The following NRXN1 variants were observed in gnomAD, a reference collection of about 807,000 sequenced individuals.
The protein encoded by NRXN1 is neurexin 1.
NRXN1 carries 39 observed loss-of-function variants against 150.9 expected under a neutral mutation model. That is an observed-to-expected ratio of 0.26 (90% confidence interval 0.20 to 0.34). The LOEUF (loss-of-function observed/expected upper bound fraction) is 0.34. Ranked by LOEUF, NRXN1 falls within the 10% of genes least tolerant of loss-of-function variation. The pLI, the probability that NRXN1 is intolerant of heterozygous loss-of-function variation, is 1.00. For synonymous variants in NRXN1, 924 were observed against 757.0 expected, an observed-to-expected ratio of 1.22 and a Z score of -3.62; for missense variants, 1,815 against 1,949.9, an observed-to-expected ratio of 0.93 and a Z score of 1.30.
chr2:50,184,188 C>T (rs567206480), intron 18 of NRXN1, among the ~76,000 whole-genome samples: 1 of 152,002 alleles, frequency 6.6e-6, no homozygotes, highest in Admixed American at 6.6e-5. Flanking sequence ...CTACCTTTTA[C>T]CCCATTATTT....
chr2:50,709,133 G>A (rs1029507197), intron 5 of NRXN1, among the ~76,000 whole-genome samples: 22 of 152,112 alleles, frequency 1.4e-4, no homozygotes, highest in African/African-American at 3.4e-4. Flanking sequence ...GCATCAGCTC[G>A]TACCACAGGC....
chr2:50,758,715 T>C (rs956345016), intron 5 of NRXN1, among the ~76,000 whole-genome samples: 88 of 152,014 alleles, frequency 5.8e-4, no homozygotes, highest in African/African-American at 1.8e-3. Flanking sequence ...TGGTCTCTTT[T>C]CCTTTGGTCC....
At chr2:50,847,110 G>T (rs1673770697) in intron 5 of NRXN1, among the ~76,000 whole-genome samples, 1 of 152,110 alleles carries the variant, frequency 6.6e-6, no homozygotes. Flanking sequence ...TGACATGAGG[G>T]TCTTGTGACA....
intron 17 of NRXN1, among the ~76,000 whole-genome samples, chr2:50,381,571 AC>A (rs2080973329): frequency 1.5e-4 from 19 of 129,486 alleles, no homozygotes; most frequent in Middle Eastern, 4.3e-3. Flanking sequence ...ACACACACAC[AC>A]AATCTGCTTT....
chr2:50,437,748 G>T (rs1270111058), intron 17 of NRXN1, among the ~76,000 whole-genome samples: 1 of 151,910 alleles, frequency 6.6e-6, no homozygotes, highest in African/African-American at 2.4e-5. Flanking sequence ...AAAAAGGGAA[G>T]ATTTTCTAAA....
chr2:50,758,665 AT>A (rs1162346650), intron 5 of NRXN1, among the ~76,000 whole-genome samples: 1 of 151,918 alleles, frequency 6.6e-6, no homozygotes, highest in Non-Finnish European at 1.5e-5. Flanking sequence ...CCAGAAATGA[AT>A]TCGACTGGTG....
chr2:50,738,057 T>A (rs1303832520), intron 5 of NRXN1, among the ~76,000 whole-genome samples: 2 of 152,206 alleles, frequency 1.3e-5, no homozygotes, highest in Non-Finnish European at 2.9e-5. Flanking sequence ...GAACCCTGTC[T>A]GCAGATAGCA....
intron 15 of NRXN1, among the ~76,000 whole-genome samples, chr2:50,487,401 C>T (rs2090950416): frequency 1.3e-5 from 2 of 152,054 alleles, no homozygotes; most frequent in South Asian, 2.1e-4. Flanking sequence ...CACAGAAAAC[C>T]ACATTCATGT....
chr2:50,517,027 T>C lies in NRXN1; in HGVS notation c.2375-10410A>G, dbSNP rs190746733. Among the ~76,000 whole-genome samples the C allele has an allele frequency of 2.4e-3, 365 of 152,276 alleles. 2 individuals are homozygous for C. Among genetic ancestry groups the C allele is most frequent in the Non-Finnish European group, 4.1e-3 (278 of 68,024 alleles). The stretch of plus-strand genomic sequence containing the variant: ...TTTTGACCCACACAGACTGTTGAGT[T>C]TTATCCTGGTTCTACAAGTTATTAG... On this transcript the variant is annotated intron_variant, in intron 12 of 22. Coordinates refer to ENST00000401669, the MANE Select transcript of NRXN1 (RefSeq NM_001330078.2).
At chr2:50,956,713 T>A (rs1274208039) in intron 2 of NRXN1, among the ~76,000 whole-genome samples, 1 of 151,308 alleles carries the variant, frequency 6.6e-6, no homozygotes, top group Non-Finnish European at 1.5e-5. Context: ...TGAGACTATC[T>A]CAAAAAATAT....
At chr2:51,009,440 G>A (rs1243921116) in intron 2 of NRXN1, among the ~76,000 whole-genome samples, 2 of 151,940 alleles carry the variant, frequency 1.3e-5, no homozygotes, top group African/African-American at 4.8e-5. Flanking sequence ...AGGCATTCTA[G>A]TGTAGCATAA....
chr2:51,014,301 C>G (rs139297504), intron 2 of NRXN1, among the ~76,000 whole-genome samples: 1 of 151,882 alleles, frequency 6.6e-6, no homozygotes, highest in East Asian at 1.9e-4. Context: ...TTGCAAAGAA[C>G]GAGGATTGGA....
At chr2:50,633,958 G>T (rs942357031) in intron 5 of NRXN1, among the ~76,000 whole-genome samples, 1 of 152,118 alleles carries the variant, frequency 6.6e-6, no homozygotes, top group Non-Finnish European at 1.5e-5. Context: ...ATTAAATTGA[G>T]ATCTTAATGC....
At chr2:50,847,521 C>G (rs1212776175) in intron 5 of NRXN1, among the ~76,000 whole-genome samples, 1 of 152,122 alleles carries the variant, frequency 6.6e-6, no homozygotes, top group Non-Finnish European at 1.5e-5. Flanking sequence ...CTGGCTAGGG[C>G]TCCACCCCCA....
chr2:50,915,579 T>TG (rs1191178604), intron 5 of NRXN1, among the ~76,000 whole-genome samples: 1 of 151,576 alleles, frequency 6.6e-6, no homozygotes, highest in Non-Finnish European at 1.5e-5. Context: ...TTTGTACAAA[T>TG]GTTCTCTGTA....
chr2:50,497,473 C>G lies in NRXN1; in HGVS notation c.2739G>C (p.Ser913=). 2.5e-6 allele frequency: 4 copies of G among 1,613,790 alleles called. No individual in the cohort carries two copies. Among genetic ancestry groups the G allele is most frequent in the South Asian group, 1.1e-5 (1 of 91,068 alleles). Residue 913 remains serine (S), a synonymous_variant, in exon 14 of 23, where the codon TCG becomes TCC. Transcript: ENST00000401669. ...GCAAGGTAGCTAAGGCAACATAGCT[C>G]GATTTGGTCTTGAAGGTGACAGGAT... The part of the protein sequence containing the change: ...IADPVTFKTK[S]SYVALATLQA...
chr2:50,780,323 A>G (rs1031830139), intron 5 of NRXN1, among the ~76,000 whole-genome samples: 1 of 152,128 alleles, frequency 6.6e-6, no homozygotes, highest in Non-Finnish European at 1.5e-5. Context: ...TTTTTCACTT[A>G]CTAGTATGTT....
chr2:50,550,829 C>T (rs373691147), intron 9 of NRXN1, among the ~76,000 whole-genome samples: 4 of 151,740 alleles, frequency 2.6e-5, no homozygotes, highest in South Asian at 2.1e-4. Flanking sequence ...CTACAGGCAC[C>T]GCCACCACGC....
chr2:50,714,168 GC>G (rs1406142305), intron 5 of NRXN1, among the ~76,000 whole-genome samples: 2 of 152,172 alleles, frequency 1.3e-5, no homozygotes, highest in African/African-American at 4.8e-5. Flanking sequence ...ATTCCCAGTA[GC>G]TAAATCAACT....
Sources: allele counts gnomAD v4.1 joint callset (sites outside exome capture counted in the v4.1 genomes callset), GRCh38; gene constraint gnomAD v4.1.1; transcripts MANE v1.5; gene names NCBI Gene and HGNC (gene_info 2026-07-23, HGNC 2026-07-21).